The following MACROD2 variants were observed in gnomAD, a reference collection of about 807,000 sequenced individuals.
The protein encoded by MACROD2 is ADP-ribose glycohydrolase MACROD2.
MACROD2 carries 36 observed loss-of-function variants against 70.4 expected under a neutral mutation model. That is an observed-to-expected ratio of 0.51 (90% CI 0.39 to 0.68). The LOEUF is 0.68. Among genes scored for constraint, MACROD2 ranks in the 30% least tolerant of loss-of-function variants. MACROD2 has a pLI of 0.00. For missense variants in MACROD2, 496 were observed against 538.4 expected (o/e 0.92, Z 0.78); for synonymous variants, 172 against 178.8 (o/e 0.96, Z 0.30).
intron 10 of MACROD2, among the ~76,000 whole-genome samples, chr20:15,912,963 C>G (rs2065258397): frequency 6.6e-6 from 1 of 152,108 alleles, no homozygotes; most frequent in African/African-American, 2.4e-5. Context: ...GCTACAAGGC[C>G]AGCCAGATCT....
At chr20:15,468,138 A>G (rs1384060321) in intron 7 of MACROD2, among the ~76,000 whole-genome samples, 3 of 152,176 alleles carry the variant, frequency 2.0e-5, no homozygotes, top group African/African-American at 7.2e-5. Flanking sequence ...CGCTGCATTG[A>G]ATTTGAATAA....
intron 5 of MACROD2, among the ~76,000 whole-genome samples, chr20:14,702,678 CATATATGTGT>C (rs1430836862): frequency 2.9e-5 from 2 of 68,186 alleles, no homozygotes; most frequent in African/African-American, 5.5e-5. Flanking sequence ...TATATATACA[CATATATGTGT>C]ATATATATGT....
intron 5 of MACROD2, among the ~76,000 whole-genome samples, chr20:14,842,973 A>G (rs1039306623): frequency 3.9e-5 from 6 of 152,086 alleles, no homozygotes; most frequent in African/African-American, 7.2e-5. Context: ...CCCAGAGTGT[A>G]TGTGCCACTC....
At chr20:15,274,263 AT>A (rs1454288957) in intron 6 of MACROD2, among the ~76,000 whole-genome samples, 5 of 152,220 alleles carry the variant, frequency 3.3e-5, no homozygotes, top group African/African-American at 4.8e-5. Flanking sequence ...AGTTCCATTC[AT>A]TTGATGAAAG....
At chr20:15,869,453 A>G (rs1054109605) in intron 9 of MACROD2, among the ~76,000 whole-genome samples, 2 of 151,572 alleles carry the variant, frequency 1.3e-5, no homozygotes, top group African/African-American at 4.8e-5. Flanking sequence ...AATATTCCCA[A>G]TGTTCTTGAC....
intron 3 of MACROD2, among the ~76,000 whole-genome samples, chr20:14,205,779 A>C (rs2148751002): frequency 6.6e-6 from 1 of 152,258 alleles, no homozygotes; most frequent in South Asian, 2.1e-4. Context: ...AGTGTAGGAG[A>C]AAAATAGCTC....
At chr20:14,723,560 T>A (rs995172718) in intron 5 of MACROD2, among the ~76,000 whole-genome samples, 4 of 149,914 alleles carry the variant, frequency 2.7e-5, no homozygotes, top group African/African-American at 9.9e-5. Flanking sequence ...AAAGCTTGGC[T>A]GGAACTTTTC....
intron 5 of MACROD2, among the ~76,000 whole-genome samples, chr20:15,215,196 C>T (rs757480756): frequency 6.6e-6 from 1 of 150,536 alleles, no homozygotes; most frequent in African/African-American, 2.5e-5. Context: ...TATGAAACAG[C>T]TAGTTCAAAG....
In MACROD2 at chr20:14,910,117, A is replaced by G. The variant is rs1045386256; in HGVS notation, c.418+225158A>G. Among the ~76,000 whole-genome samples, 109 of 152,170 alleles carry G rather than the reference A, an allele frequency of 7.2e-4. 2 individuals are homozygous for G. Among genetic ancestry groups the G allele is most frequent in the African/African-American group, 2.6e-3 (108 of 41,442 alleles). On this transcript the variant is annotated intron_variant, in intron 5 of 17. Coordinates refer to ENST00000684519, the MANE Select transcript of MACROD2 (RefSeq NM_001351661.2). Reference sequence around the variant, plus strand: ...TTGAGAATGTTTGAACTGGAAGGGGAGACTTCAGAATTCATTTAGTCTACT... The same window carrying G: ...TTGAGAATGTTTGAACTGGAAGGGGGGACTTCAGAATTCATTTAGTCTACT...
chr20:14,889,924 G>A (rs1600773643), intron 5 of MACROD2, among the ~76,000 whole-genome samples: 1 of 152,132 alleles, frequency 6.6e-6, no homozygotes, highest in East Asian at 1.9e-4. Flanking sequence ...GAAAGAAACA[G>A]TAGCCTACTG....
At chr20:16,003,023 G>A (rs1339143547) in intron 15 of MACROD2, among the ~76,000 whole-genome samples, 1 of 151,434 alleles carries the variant, frequency 6.6e-6, no homozygotes, top group Non-Finnish European at 1.5e-5. Flanking sequence ...ATATGTACAA[G>A]GCACTGGGCT....
chr20:14,258,097 G>T (rs898327398), intron 3 of MACROD2, among the ~76,000 whole-genome samples: 3 of 152,124 alleles, frequency 2.0e-5, no homozygotes, highest in African/African-American at 7.2e-5. Flanking sequence ...AGTATTCTAT[G>T]ATGTATATAT....
chr20:14,233,078 A>T (rs1371190646), intron 3 of MACROD2, among the ~76,000 whole-genome samples: 1 of 152,218 alleles, frequency 6.6e-6, no homozygotes, highest in Non-Finnish European at 1.5e-5. Flanking sequence ...GTCAGAGCAC[A>T]CACATTTATA....
At chr20:14,508,565 T>C (rs1469026157) in intron 4 of MACROD2, among the ~76,000 whole-genome samples, 1 of 152,178 alleles carries the variant, frequency 6.6e-6, no homozygotes, top group Non-Finnish European at 1.5e-5. Context: ...CATTAGAATA[T>C]TAAAAGTTCA....
intron 10 of MACROD2, among the ~76,000 whole-genome samples, chr20:15,927,651 G>A (rs73900806): frequency 0.015 from 2,301 of 152,238 alleles, 45 homozygotes; most frequent in African/African-American, 0.047. Context: ...CCTGCTAGGT[G>A]GAGACTATTC....
At chr20:14,075,793 G>T (rs2053909149) in intron 2 of MACROD2, among the ~76,000 whole-genome samples, 1 of 152,058 alleles carries the variant, frequency 6.6e-6, no homozygotes, top group African/African-American at 2.4e-5. Flanking sequence ...AGGGTCTCAA[G>T]GATCCCCAAA....
chr20:16,033,239 T>C (rs1220794306), intron 15 of MACROD2, among the ~76,000 whole-genome samples: 1 of 152,106 alleles, frequency 6.6e-6, no homozygotes, highest in Admixed American at 6.5e-5. Context: ...TTGATACTTA[T>C]TTGTTCTTCA....
chr20:15,679,277 C>T (rs868310745), intron 8 of MACROD2, among the ~76,000 whole-genome samples: 10 of 150,848 alleles, frequency 6.6e-5, no homozygotes, highest in African/African-American at 2.0e-4. Flanking sequence ...TCAGCTCAGA[C>T]GAACTGGCTT....
intron 8 of MACROD2, among the ~76,000 whole-genome samples, chr20:15,592,943 G>A (rs1296094813): frequency 1.3e-5 from 2 of 151,944 alleles, no homozygotes; most frequent in Non-Finnish European, 2.9e-5. Context: ...CTTCAATCTC[G>A]GTAGTTCAGA....
Sources: allele counts gnomAD v4.1 joint callset (sites outside exome capture counted in the v4.1 genomes callset), GRCh38; gene constraint gnomAD v4.1.1; transcripts MANE v1.5; gene names NCBI Gene and HGNC (gene_info 2026-07-23, HGNC 2026-07-21).